PLEKHG5: variants seen among roughly 807,000 people sequenced by gnomAD.
PLEKHG5 encodes the protein pleckstrin homology domain-containing family G member 5.
In PLEKHG5, 52 loss-of-function variants were observed where a neutral mutation model predicts 103.8. The ratio of observed to expected loss-of-function variants is 0.50; its 90% confidence interval spans 0.40 to 0.63. The LOEUF (loss-of-function observed/expected upper bound fraction) is 0.63, where lower values mean the gene tolerates loss of function less well. Among genes scored for constraint, PLEKHG5 ranks in the 30% least tolerant of loss-of-function variants. PLEKHG5 has a pLI of 0.00. For synonymous variants in PLEKHG5, 592 were observed against 575.5 expected, an observed-to-expected ratio of 1.03 and a Z score of -0.41; for missense variants, 1,205 against 1,347.6, an observed-to-expected ratio of 0.89 and a Z score of 1.66.
chr1:6,514,132 GA>G (rs1241664889), intron 1 of PLEKHG5, among the ~76,000 whole-genome samples: 2 of 152,158 alleles, frequency 1.3e-5, no homozygotes, highest in Non-Finnish European at 2.9e-5. Flanking sequence ...GACCAGACTG[GA>G]CAACATGGCT....
upstream of PLEKHG5, chr1:6,497,128 G>A: frequency 4.2e-6 from 5 of 1,181,160 alleles, no homozygotes; most frequent in South Asian, 1.3e-5. This position sits in a 1 kb window ranked among gnomAD's most constrained non-coding sequence, Gnocchi z 6.1. Context: ...GCGAGAGGCG[G>A]GGGGAGGGAG....
Position 6,473,117 on chromosome 1 carries a change from G to A in PLEKHG5, c.853C>T (p.Leu285=). ...GKLHTYSLFG[L]PRLPRGLRFD... is the part of the protein sequence containing the mutation. The stretch of plus-strand genomic sequence containing the variant: ...CGCAGCCCCCGGGGCAGCCTGGGCA[G>A]CCCGAAGAGGCTGTAGGTGTGCAGC... The change falls in exon 9 of 21, where the codon CTG becomes TTG. Residue 285 remains leucine, a synonymous_variant. Coordinates refer to ENST00000377728, the MANE Select transcript of PLEKHG5 (RefSeq NM_020631.6). 2 of 1,614,030 alleles carry A rather than the reference G, an allele frequency of 1.2e-6. No homozygotes were observed. The highest frequency in any genetic ancestry group is 1.7e-6 in the Non-Finnish European group (2 of 1,180,006).
chr1:6,494,966 C>T (rs564046445), upstream of PLEKHG5, among the ~76,000 whole-genome samples: 1 of 152,352 alleles, frequency 6.6e-6, no homozygotes, highest in African/African-American at 2.4e-5. Context: ...CACTCTGAGA[C>T]CAGCTCTCTT....
Position 6,490,579 on chromosome 1 carries a change from CTG to C in PLEKHG5, c.-88+1056_-88+1057del. 1 of 985,422 alleles carries C rather than the reference CTG, an allele frequency of 1.0e-6. No homozygotes were observed. The highest frequency in any genetic ancestry group is 1.7e-5 in the African/African-American group (1 of 57,346). 61.0% of individuals were successfully genotyped at this position (985,422 alleles called of 1,614,324 possible). A position where few individuals can be genotyped will look rare whatever the true frequency, so the allele number is the denominator to read the frequency against. The stretch of plus-strand genomic sequence containing the variant: ...ACGGGCTCAGTCGACTCAGCGCAAA[CTG>C]GGGCGCGGGACGTAGGGGAATTACG... On this transcript the variant is annotated intron_variant, in intron 1 of 20. Transcript: ENST00000377728. The surrounding 1 kb of genome is among the most constrained non-coding windows in gnomAD (Gnocchi z 8.0).
rs1645141780 is a variant in PLEKHG5, at chr1:6,490,944, C to T, written c.-88+693G>A. ...GAAGCCTCCGCGCGACAGAAAAGCC[C>T]CGGGGGACCAGGCAGAGAGACCCGC... On this transcript the variant is annotated intron_variant, in intron 1 of 20. Transcript: ENST00000377728. This position sits in a 1 kb window ranked among gnomAD's most constrained non-coding sequence, Gnocchi z 8.0. Among the ~76,000 whole-genome samples the T allele has an allele frequency of 6.6e-6, 1 of 152,154 alleles. No homozygotes were observed. The highest frequency in any genetic ancestry group is 1.5e-5 in the Non-Finnish European group (1 of 68,022).
At position 6,470,876 on chromosome 1, in the gene PLEKHG5, C is replaced by A; in HGVS notation, c.1401G>T (p.Glu467Asp). 6.4e-7 allele frequency: 1 copy of A among 1,561,514 alleles called. No homozygotes were observed. The highest frequency in any genetic ancestry group is 1.2e-5 in the South Asian group (1 of 85,726). Residue 467 changes from glutamate to aspartate, a missense_variant, in exon 14 of 21, where the codon GAG (glutamate) becomes GAT (aspartate). By Grantham distance (45) the Glu-to-Asp change is conservative. Transcript: ENST00000377728. Reference protein sequence around the residue: ...DLFRAYITWAEKHPQCQRLKL... With the variant: ...DLFRAYITWADKHPQCQRLKL... ...TCAGCCTCTGGCACTGTGGGTGCTT[C>A]TCCGCCCACTGCGGTGGGGGAGTGG...
rs772796455 is a variant in PLEKHG5, at chr1:6,505,735, G to A, written c.-164-9166C>T. Among the ~76,000 whole-genome samples, 8 of 152,230 alleles carry A rather than the reference G, an allele frequency of 5.3e-5. No homozygotes were observed. Among genetic ancestry groups the A allele is most frequent in the Non-Finnish European group, 1.0e-4 (7 of 68,044 alleles). On this transcript the variant is annotated intron_variant, in intron 1 of 21. Transcript: ENST00000377740. The surrounding 1 kb of genome is among the most constrained non-coding windows in gnomAD (Gnocchi z 4.2). ...TCTTGCGGGCGGGGTGAGAGCAGAG[G>A]CAGAGGCCAGGCCTGAAGCCCAGTG...
At chr1:6,472,679 G>T in intron 9 of PLEKHG5, 57 bp from the exon 10 acceptor site, 2 of 1,269,996 alleles carry the variant, frequency 1.6e-6, no homozygotes, top group South Asian at 1.2e-5. Flanking sequence ...AGGGTGGCCG[G>T]GGAGGATAAG....
At chr1:6,483,804 C>T (rs1644958174) in intron 1 of PLEKHG5, among the ~76,000 whole-genome samples, 2 of 152,258 alleles carry the variant, frequency 1.3e-5, no homozygotes, top group South Asian at 4.1e-4. Context: ...CTTCAGGTGT[C>T]TCCTCATGAG....
intron 6 of PLEKHG5, 36 bp from the exon 7 acceptor site, chr1:6,474,200 T>C: frequency 6.2e-7 from 1 of 1,611,156 alleles, no homozygotes; most frequent in Non-Finnish European, 8.5e-7. Context: ...CTCAGTACCC[T>C]GGTCTGGTGG....
Position 6,487,262 on chromosome 1 carries a change from C to T in PLEKHG5, c.-88+4375G>A, listed in dbSNP as rs1645059053. Among the ~76,000 whole-genome samples the T allele has an allele frequency of 6.6e-6, 1 of 152,110 alleles. No individual in the cohort carries two copies. The highest frequency in any genetic ancestry group is 1.5e-5 in the Non-Finnish European group (1 of 68,020). ...TCCCCAGTAGCTGGGATTACAGGCG[C>T]CCGCCACTACACCCAGCTACTTTTT... On this transcript the variant is annotated intron_variant, in intron 1 of 20. Transcript: ENST00000377728. The surrounding 1 kb of genome is among the most constrained non-coding windows in gnomAD (Gnocchi z 4.1).
intron 1 of PLEKHG5, among the ~76,000 whole-genome samples, chr1:6,482,228 A>G (rs967760982): frequency 1.3e-5 from 2 of 152,128 alleles, no homozygotes; most frequent in African/African-American, 4.8e-5. Context: ...AGCACCTGAC[A>G]GGTCACATAT....
chr1:6,490,593 G>A lies in PLEKHG5; in HGVS notation c.-88+1044C>T, dbSNP rs1224173572. ...CTCAGCGCAAACTGGGGCGCGGGAC[G>A]TAGGGGAATTACGGTAGCCGCGCGG... On this transcript the variant is annotated intron_variant, in intron 1 of 20. Transcript: ENST00000377728. This position sits in a 1 kb window ranked among gnomAD's most constrained non-coding sequence, Gnocchi z 8.0. 1.9e-5 allele frequency: 19 copies of A among 985,332 alleles called. No individual in the cohort carries two copies. The highest frequency in any genetic ancestry group is 1.4e-4 in the South Asian group (3 of 21,296). The allele number at this position is 985,332 out of a possible 1,614,324, so 61.0% of individuals were successfully genotyped here.
intron 1 of PLEKHG5, among the ~76,000 whole-genome samples, chr1:6,511,292 T>G (rs1045061494): frequency 1.3e-5 from 2 of 152,090 alleles, no homozygotes; most frequent in African/African-American, 4.8e-5. Context: ...TGATGGGCCC[T>G]GTGCCAGCCC....
At chr1:6,485,901 G>T in intron 1 of PLEKHG5, 1 of 986,250 alleles carries the variant, frequency 1.0e-6, no homozygotes. Flanking sequence ...CCAATGCCGG[G>T]CTCAGAGGGC....
chr1:6,494,850 G>A (rs369894219), upstream of PLEKHG5, among the ~76,000 whole-genome samples: 2 of 152,202 alleles, frequency 1.3e-5, no homozygotes, highest in East Asian at 1.9e-4. Context: ...GACTCTCCCC[G>A]TGCACGCTGG....
intron 14 of PLEKHG5, 37 bp downstream of exon 14, chr1:6,470,698 C>T (rs771981203): frequency 1.9e-6 from 3 of 1,552,448 alleles, no homozygotes; most frequent in Non-Finnish European, 1.7e-6. Context: ...CAGAGAGCCG[C>T]GCAGGGGGGA....
rs1645130090 is a variant in PLEKHG5, at chr1:6,490,499, C to T, written c.-88+1138G>A. On this transcript the variant is annotated intron_variant, in intron 1 of 20. Transcript: ENST00000377728. This position sits in a 1 kb window ranked among gnomAD's most constrained non-coding sequence, Gnocchi z 8.0. ...GTGTCTAAGGCTCTAAGGCTCGGGC[C>T]GAGACTGCCAAAGCCTCATGGGGCG... 2.0e-6 allele frequency: 2 copies of T among 985,250 alleles called. No homozygotes were observed. The highest frequency in any genetic ancestry group is 6.1e-5 in the Admixed American group (1 of 16,262). The allele number at this position is 985,250 out of a possible 1,614,324, so 61.0% of individuals were successfully genotyped here. A position where few individuals can be genotyped will look rare whatever the true frequency, so the allele number is the denominator to read the frequency against.
At chr1:6,480,029 G>C (rs957045884) in intron 1 of PLEKHG5, among the ~76,000 whole-genome samples, 3 of 152,196 alleles carry the variant, frequency 2.0e-5, no homozygotes, top group Non-Finnish European at 2.9e-5. Flanking sequence ...ACACCACAGA[G>C]CTGTGTGTTC....
Sources: gnomAD v4.1 joint callset for allele counts (sites outside exome capture counted in the v4.1 genomes callset) on GRCh38, gnomAD v4.1.1 for gene constraint, Gnocchi (gnomAD v3.1) non-coding constraint, MANE v1.5 for transcripts, NCBI Gene and HGNC (gene_info 2026-07-23, HGNC 2026-07-21) for gene names.